Variants in PCDH15 observed in about 807,000 individuals in gnomAD.
The protein encoded by PCDH15 is protocadherin related 15.
In PCDH15, 129 loss-of-function variants were observed where a neutral mutation model predicts 178.5. The observed-to-expected ratio is 0.72, with a 90% CI of 0.63 to 0.84. The LOEUF (loss-of-function observed/expected upper bound fraction) is 0.84, where lower values mean the gene tolerates loss of function less well. Among genes scored for constraint, PCDH15 ranks in the 40% least tolerant of loss-of-function variants. The pLI, the probability that PCDH15 is intolerant of heterozygous loss-of-function variation, is 0.00. For missense variants in PCDH15, 2,230 were observed against 2,099.9 expected, an observed-to-expected ratio of 1.06 and a Z score of -1.21; for synonymous variants, 800 against 732.0, an observed-to-expected ratio of 1.09 and a Z score of -1.50.
chr10:55,195,754 A>T (rs768646835), intron 1 of PCDH15, among the ~76,000 whole-genome samples: 2 of 151,978 alleles, frequency 1.3e-5, no homozygotes, highest in Non-Finnish European at 2.9e-5. Flanking sequence ...TTTCTGTGAT[A>T]AAATTTATTG....
intron 18 of PCDH15, among the ~76,000 whole-genome samples, chr10:54,058,812 G>A (rs1348878593): frequency 6.6e-6 from 1 of 151,676 alleles, no homozygotes; most frequent in African/African-American, 2.4e-5. Flanking sequence ...TCCTGCCTCA[G>A]CCTTCCTGGG....
At chr10:54,142,805 G>A (rs972876270) in intron 14 of PCDH15, among the ~76,000 whole-genome samples, 3 of 151,854 alleles carry the variant, frequency 2.0e-5, no homozygotes, top group Admixed American at 2.0e-4. Flanking sequence ...AAACTGCAGG[G>A]AAAAAAAGGA....
At chr10:54,843,201 G>A (rs1258547266) in intron 3 of PCDH15, among the ~76,000 whole-genome samples, 1 of 151,896 alleles carries the variant, frequency 6.6e-6, no homozygotes, top group Non-Finnish European at 1.5e-5. Flanking sequence ...GAACTTTAGG[G>A]AGAACTGAAC....
intron 1 of PCDH15, among the ~76,000 whole-genome samples, chr10:55,230,611 G>A (rs1377007143): frequency 6.6e-6 from 1 of 151,984 alleles, no homozygotes; most frequent in African/African-American, 2.4e-5. Context: ...AGAAATAATC[G>A]GCAGAGGTAT....
chr10:55,599,219 C>T (rs932735149), intron 2 of PCDH15: 3 of 152,150 alleles, frequency 2.0e-5, no homozygotes, highest in African/African-American at 4.8e-5. Flanking sequence ...GAAGAGTACA[C>T]TCATTTATGT....
intron 26 of PCDH15, among the ~76,000 whole-genome samples, chr10:53,878,328 C>CTATATATA (rs2080416284): frequency 1.8e-4 from 5 of 27,722 alleles, no homozygotes; most frequent in Non-Finnish European, 2.5e-4. Flanking sequence ...TATATATAGT[C>CTATATATA]TATATAGTCT....
intron 20 of PCDH15, among the ~76,000 whole-genome samples, chr10:53,998,261 C>T (rs11003984): frequency 0.33 from 50,313 of 151,858 alleles, 10,103 homozygotes; most frequent in Middle Eastern, 0.55. Context: ...TTGGTCTCAA[C>T]AAAAAATAGT....
At chr10:55,355,325 A>C (rs1213918742) in intron 2 of PCDH15, among the ~76,000 whole-genome samples, 2 of 152,040 alleles carry the variant, frequency 1.3e-5, no homozygotes, top group East Asian at 1.9e-4. Flanking sequence ...CTTTATAAGA[A>C]AGTGATCGAG....
At chr10:55,562,694 T>A (rs1179744153) in intron 2 of PCDH15, among the ~76,000 whole-genome samples, 2 of 151,984 alleles carry the variant, frequency 1.3e-5, no homozygotes, top group Non-Finnish European at 2.9e-5. Context: ...TATTTAGAAG[T>A]TAAAATTGAA....
chr10:54,756,067 A>ACG, intron 1 of PCDH15, among the ~76,000 whole-genome samples: 1 of 143,040 alleles, frequency 7.0e-6, no homozygotes, highest in East Asian at 2.2e-4. Context: ...ACACACACAC[A>ACG]CACACACACA....
At chr10:54,769,136 A>C (rs1948816837) in intron 1 of PCDH15, among the ~76,000 whole-genome samples, 2 of 152,130 alleles carry the variant, frequency 1.3e-5, no homozygotes, top group Non-Finnish European at 2.9e-5. Context: ...ATAGGAGCCA[A>C]CAGGAATTTT....
intron 2 of PCDH15, among the ~76,000 whole-genome samples, chr10:54,962,893 C>T (rs954471009): frequency 6.6e-6 from 1 of 152,158 alleles, no homozygotes; most frequent in Non-Finnish European, 1.5e-5. Flanking sequence ...CCACCAAAGA[C>T]AAAGGTTTCT....
chr10:53,902,645 G>A (rs1208436411), intron 26 of PCDH15, among the ~76,000 whole-genome samples: 2 of 152,072 alleles, frequency 1.3e-5, no homozygotes, highest in Admixed American at 6.6e-5. Flanking sequence ...TATTATAAGA[G>A]TAATTAGTAA....
At chr10:54,358,621 G>C (rs2134420067) in intron 5 of PCDH15, among the ~76,000 whole-genome samples, 1 of 151,962 alleles carries the variant, frequency 6.6e-6, no homozygotes, top group South Asian at 2.1e-4. Context: ...CAGGGATCTA[G>C]AACTAGAAAT....
intron 2 of PCDH15, among the ~76,000 whole-genome samples, chr10:54,587,254 A>AT (rs1175289924): frequency 2.0e-5 from 3 of 152,202 alleles, no homozygotes; most frequent in African/African-American, 7.2e-5. Context: ...TTTCCCATTG[A>AT]TAAACACAAG....
At chr10:55,114,889 C>T (rs971795483) in intron 2 of PCDH15, among the ~76,000 whole-genome samples, 1 of 152,072 alleles carries the variant, frequency 6.6e-6, no homozygotes, top group Non-Finnish European at 1.5e-5. Context: ...TTATTATGCA[C>T]CATAACTGAT....
chr10:53,941,125 C>G (rs2086027584), intron 23 of PCDH15, 150 bp from the exon 24 acceptor site: 2 of 632,128 alleles, frequency 3.2e-6, no homozygotes, highest in Non-Finnish European at 5.6e-6. Context: ...TCAAATCCCC[C>G]ACCCAACTGC....
intron 2 of PCDH15, among the ~76,000 whole-genome samples, chr10:54,980,347 G>C (rs1839199413): frequency 6.6e-6 from 1 of 151,928 alleles, no homozygotes; most frequent in Non-Finnish European, 1.5e-5. Context: ...AATGAAAAGA[G>C]AGTAAATACT....
chr10:55,448,176 G>A (rs564095434), intron 2 of PCDH15, among the ~76,000 whole-genome samples: 1 of 152,092 alleles, frequency 6.6e-6, no homozygotes, highest in South Asian at 2.1e-4. Context: ...GAGACAGGGG[G>A]ATCGTAATTC....
Sources: allele counts gnomAD v4.1 joint callset (sites outside exome capture counted in the v4.1 genomes callset), GRCh38; gene constraint gnomAD v4.1.1; transcripts MANE v1.5; gene names NCBI Gene and HGNC (gene_info 2026-07-23, HGNC 2026-07-21).